CALN1: variants seen among roughly 807,000 people sequenced by gnomAD.
The protein encoded by CALN1 is calcium-binding protein 8.
CALN1 carries 17 observed loss-of-function variants against 30.6 expected under a neutral mutation model. That is an observed-to-expected ratio of 0.56 (90% CI 0.38 to 0.83). The LOEUF is 0.83. Ranked by LOEUF, CALN1 falls within the 40% of genes least tolerant of loss-of-function variation. The pLI, the probability that CALN1 is intolerant of heterozygous loss-of-function variation, is 0.00. For missense variants in CALN1, 291 were observed against 354.9 expected (o/e 0.82, Z 1.45); for synonymous variants, 156 against 131.4 (o/e 1.19, Z -1.28).
the CALN1 span, among the ~76,000 whole-genome samples, chr7:72,454,967 G>A: frequency 6.6e-6 from 1 of 151,994 alleles, no homozygotes; most frequent in African/African-American, 2.4e-5. Flanking sequence ...GAGTAGCTGG[G>A]ATTACAGGCA....
At chr7:71,898,268 T>G (rs1443824932) in intron 5 of CALN1, among the ~76,000 whole-genome samples, 1 of 152,002 alleles carries the variant, frequency 6.6e-6, no homozygotes, top group African/African-American at 2.4e-5. Context: ...AGGCAGAGGT[T>G]GCAGTGAGCC....
chr7:72,369,709 TAGA>T (rs377309003), intron 2 of CALN1, among the ~76,000 whole-genome samples: 1 of 152,202 alleles, frequency 6.6e-6, no homozygotes, highest in African/African-American at 2.4e-5. Flanking sequence ...TTGCATTTCC[TAGA>T]AGTTTATAGA....
intron 3 of CALN1, among the ~76,000 whole-genome samples, chr7:72,154,696 T>TA (rs1162606234): frequency 6.6e-6 from 1 of 152,110 alleles, no homozygotes; most frequent in Admixed American, 6.5e-5. Context: ...GTTATGGGGT[T>TA]AACTAAGGTC....
chr7:72,466,796 GGAAAGGAA>G, the CALN1 span, among the ~76,000 whole-genome samples: 4 of 134,444 alleles, frequency 3.0e-5, no homozygotes, highest in Non-Finnish European at 4.7e-5. Context: ...AGGGAAAGAA[GGAAAGGAA>G]GAAAGGAAGA....
Position 72,205,551 on chromosome 7 carries a change from A to AAATATATACATACATATATAT in CALN1, c.244+73134_244+73135insATATATATGTATGTATATATT. 2.4e-3 allele frequency among the ~76,000 whole-genome samples: 199 copies of AAATATATACATACATATATAT among 83,006 alleles called. 14 individuals carry two copies. Among genetic ancestry groups the AAATATATACATACATATATAT allele is most frequent in the African/African-American group, 0.014 (183 of 13,410 alleles). The allele number at this position is 83,006 out of a possible 152,430, so 54.5% of individuals were successfully genotyped here. On this transcript the variant is annotated intron_variant, in intron 3 of 6. Coordinates refer to ENST00000395275, the MANE Select transcript of CALN1 (RefSeq NM_031468.4). The stretch of plus-strand genomic sequence containing the variant: ...ATTTTTCTCCTGATTGCAAAAAAAA[A>AAATATATACATACATATATAT]ATATATATATATATATGTATATATA...
At chr7:72,206,175 A>G (rs567899225) in intron 3 of CALN1, among the ~76,000 whole-genome samples, 1 of 152,300 alleles carries the variant, frequency 6.6e-6, no homozygotes, top group Non-Finnish European at 1.5e-5. Flanking sequence ...TTTTAGAAAC[A>G]TTTTGTCACA....
At chr7:72,237,595 T>A (rs1794554064) in intron 3 of CALN1, among the ~76,000 whole-genome samples, 1 of 152,186 alleles carries the variant, frequency 6.6e-6, no homozygotes, top group South Asian at 2.1e-4. Context: ...CTTCACTGCC[T>A]GTTAGAGCAT....
chr7:72,456,892 G>A, the CALN1 span, among the ~76,000 whole-genome samples: 2 of 151,738 alleles, frequency 1.3e-5, no homozygotes, highest in East Asian at 1.9e-4. Flanking sequence ...TCAACCATAC[G>A]GCATATCTAA....
intron 3 of CALN1, among the ~76,000 whole-genome samples, chr7:72,151,719 T>C (rs34655504): frequency 0.23 from 34,985 of 151,654 alleles, 5,004 homozygotes; most frequent in East Asian, 0.67. Flanking sequence ...TTGTTGTTGT[T>C]GTTGTTGTTA....
At chr7:72,303,572 GAA>G (rs58009615) in intron 2 of CALN1, among the ~76,000 whole-genome samples, 26,905 of 137,744 alleles carry the variant, frequency 0.2, 3,280 homozygotes, top group East Asian at 0.44. Context: ...AAAAGAAAAA[GAA>G]AAAAAAAAAA....
chr7:72,282,816 G>A (rs1343550114), intron 2 of CALN1, among the ~76,000 whole-genome samples: 1 of 152,160 alleles, frequency 6.6e-6, no homozygotes, highest in Non-Finnish European at 1.5e-5. Context: ...AACTTTGAGA[G>A]GTTAAGGCAG....
At chr7:71,961,801 T>C (rs1384360235) in intron 5 of CALN1, among the ~76,000 whole-genome samples, 1 of 152,084 alleles carries the variant, frequency 6.6e-6, no homozygotes, top group African/African-American at 2.4e-5. Context: ...GGCAGGGTCC[T>C]CCTCCCCTGC....
At chr7:72,401,432 T>C (rs553095247) in intron 2 of CALN1, among the ~76,000 whole-genome samples, 1 of 152,280 alleles carries the variant, frequency 6.6e-6, no homozygotes, top group East Asian at 1.9e-4. Context: ...CTTTAAGGAA[T>C]GTGTGGATAC....
intron 5 of CALN1, among the ~76,000 whole-genome samples, chr7:71,917,770 G>T (rs112177467): frequency 6.6e-6 from 1 of 152,166 alleles, no homozygotes; most frequent in African/African-American, 2.4e-5. Flanking sequence ...CACCCTTGAC[G>T]TGTGGGGATT....
chr7:71,898,486 G>A (rs535912364), intron 5 of CALN1, among the ~76,000 whole-genome samples: 1 of 152,250 alleles, frequency 6.6e-6, no homozygotes, highest in South Asian at 2.1e-4. Flanking sequence ...GAGAATACAA[G>A]AGACATAAAG....
In CALN1 at chr7:72,359,976, C is replaced by CAAAAAAA. The variant is rs750054515; in HGVS notation, c.119+43268_119+43274dup. 4.8e-4 allele frequency among the ~76,000 whole-genome samples: 31 copies of CAAAAAAA among 63,964 alleles called. 2 individuals carry two copies. The highest frequency in any genetic ancestry group is 2.6e-3 in the Admixed American group (14 of 5,478). The allele number at this position is 63,964 out of a possible 152,430, so 42.0% of individuals were successfully genotyped here. ...TGGGTGACAGAGTGAGACTCCATCT[C>CAAAAAAA]AAAAAAAAAAAAAAACCAAAGTTGA... On this transcript the variant is annotated intron_variant, in intron 2 of 6. Transcript: ENST00000395275.
chr7:72,106,048 C>T lies in CALN1; in HGVS notation c.388+103G>A, dbSNP rs1584952897. 2.8e-6 allele frequency: 4 copies of T among 1,430,812 alleles called. No homozygotes were observed. The African/African-American group carries it at 4.3e-5, about 15-fold the overall frequency. 88.6% of individuals were successfully genotyped at this position (1,430,812 alleles called of 1,614,324 possible). ...CAAGTTTCTGCTTCTCAAATGTAAACCAAGTCTCTGGATTTAAAAGTGCAA... is the reference window on the plus strand; with the variant it reads ...CAAGTTTCTGCTTCTCAAATGTAAATCAAGTCTCTGGATTTAAAAGTGCAA... On this transcript the variant is annotated intron_variant, in intron 4 of 6. Coordinates refer to ENST00000395275, the MANE Select transcript of CALN1 (RefSeq NM_031468.4).
chr7:71,850,602 A>G (rs1000190589), intron 5 of CALN1, among the ~76,000 whole-genome samples: 2 of 152,320 alleles, frequency 1.3e-5, no homozygotes, highest in East Asian at 1.9e-4. Context: ...ACTCAAGAAA[A>G]CAGTATATTT....
chr7:72,403,353 T>G lies in CALN1; in HGVS notation c.17A>C (p.Gln6Pro). The part of the protein sequence containing the change: MRLPE[Q>P]PGEGKPENEK... Reference sequence around the variant, plus strand: ...ATTCTCGGGCTTCCCCTCTCCGGGTTGCTCTGGCAGCCGCATCGGGGGTCC... The same window carrying G: ...ATTCTCGGGCTTCCCCTCTCCGGGTGGCTCTGGCAGCCGCATCGGGGGTCC... Residue 6 changes from glutamine to proline, a missense_variant, in exon 2 of 7, where the codon CAA becomes CCA. Gln to Pro is a moderately conservative substitution (Grantham distance 76). Transcript: ENST00000395275. 6.5e-7 allele frequency: 1 copy of G among 1,548,114 alleles called. No individual in the cohort carries two copies. Among genetic ancestry groups the G allele is most frequent in the South Asian group, 1.2e-5 (1 of 84,020 alleles).
Sources: gnomAD v4.1 joint callset for allele counts (sites outside exome capture counted in the v4.1 genomes callset) on GRCh38, gnomAD v4.1.1 for gene constraint, MANE v1.5 for transcripts, NCBI Gene and HGNC (gene_info 2026-07-23, HGNC 2026-07-21) for gene names.